Variants in SCARA5 observed in about 807,000 individuals in gnomAD.
The protein encoded by SCARA5 is scavenger receptor class A member 5.
Under a neutral mutation model 46.3 loss-of-function variants are expected in SCARA5, and 45 were observed. The observed-to-expected ratio is 0.97, with a 90% CI of 0.76 to 1.24. The LOEUF (loss-of-function observed/expected upper bound fraction) is 1.24. SCARA5 is among the 50% of genes most tolerant of loss of function. The pLI is 0.00. For synonymous variants in SCARA5, 333 were observed against 306.5 expected (o/e 1.09, Z -0.90); for missense variants, 680 against 689.0 (o/e 0.99, Z 0.15).
chr8:27,952,014 G>T (rs1217543072), intron 3 of SCARA5, among the ~76,000 whole-genome samples: 1 of 147,068 alleles, frequency 6.8e-6, no homozygotes, highest in Non-Finnish European at 1.5e-5. Flanking sequence ...TAAACTCTTG[G>T]TAGGTGTAAT....
At chr8:27,917,045 C>A (rs556419880) in intron 4 of SCARA5, among the ~76,000 whole-genome samples, 16 of 152,314 alleles carry the variant, frequency 1.1e-4, no homozygotes, top group Non-Finnish European at 2.2e-4. Context: ...AACCAGAAAG[C>A]TGGTCCCGAA....
chr8:27,887,362 C>T (rs1360515285), intron 7 of SCARA5, among the ~76,000 whole-genome samples: 2 of 152,246 alleles, frequency 1.3e-5, no homozygotes, highest in East Asian at 3.9e-4. Context: ...CACTTTTCCT[C>T]TTGTTCTGGA....
intron 4 of SCARA5, among the ~76,000 whole-genome samples, chr8:27,913,548 T>G (rs1382013930): frequency 6.6e-6 from 1 of 152,252 alleles, no homozygotes; most frequent in Non-Finnish European, 1.5e-5. Flanking sequence ...GCATCTGTGA[T>G]TCGAGGCTTC....
intron 2 of SCARA5, among the ~76,000 whole-genome samples, chr8:27,984,151 C>T (rs373543062): frequency 2.4e-4 from 37 of 152,232 alleles, no homozygotes; most frequent in East Asian, 1.2e-3. Context: ...CATTTCACTC[C>T]GCAGAGATAA....
At chr8:27,964,944 T>C (rs1808345842) in intron 3 of SCARA5, among the ~76,000 whole-genome samples, 2 of 152,198 alleles carry the variant, frequency 1.3e-5, no homozygotes, top group Admixed American at 1.3e-4. Flanking sequence ...GTTATGGTCC[T>C]CGCAGCCAAA....
At chr8:27,878,354 T>A (rs1806757506) in intron 8 of SCARA5, among the ~76,000 whole-genome samples, 1 of 152,122 alleles carries the variant, frequency 6.6e-6, no homozygotes, top group South Asian at 2.1e-4. Context: ...AAGGGAAAGC[T>A]CACTACTGAA....
chr8:27,933,485 GCA>G (rs1460125269), intron 3 of SCARA5, among the ~76,000 whole-genome samples: 24 of 138,894 alleles, frequency 1.7e-4, no homozygotes, highest in African/African-American at 6.5e-4. Flanking sequence ...TCATGCCACT[GCA>G]CAGCAGCCTG....
intron 2 of SCARA5, among the ~76,000 whole-genome samples, chr8:27,977,692 G>A (rs918913877): frequency 2.6e-5 from 4 of 152,246 alleles, no homozygotes; most frequent in East Asian, 3.9e-4. Flanking sequence ...TGCACCTCCC[G>A]GTTAAGAGCC....
At position 27,909,698 on chromosome 8, in the gene SCARA5, C is replaced by T. The variant is rs1271459010; in HGVS notation, c.962G>A (p.Gly321Asp). 1.8e-5 allele frequency: 28 copies of T among 1,551,336 alleles called. No homozygotes were observed. Among genetic ancestry groups the T allele is most frequent in the East Asian group, 4.9e-5 (2 of 40,886 alleles). ...KGDQGDEGKE[G>D]RPGIPGLPGL... is the part of the protein sequence containing the mutation. ...AGGCAATCCAGGGATGCCAGGCCTGCCTTCCTTTCCTTCATCCCCCTGATC... is the reference window on the plus strand; with the variant it reads ...AGGCAATCCAGGGATGCCAGGCCTGTCTTCCTTTCCTTCATCCCCCTGATC... Residue 321 changes from glycine (G) to aspartate (D), a missense_variant, in exon 5 of 9, where the codon GGC becomes GAC. Gly to Asp is a moderately conservative substitution (Grantham distance 94). Coordinates refer to ENST00000354914, the MANE Select transcript of SCARA5 (RefSeq NM_173833.6).
chr8:27,894,185 T>C (rs963532249), intron 7 of SCARA5, among the ~76,000 whole-genome samples: 3 of 152,246 alleles, frequency 2.0e-5, no homozygotes, highest in African/African-American at 7.2e-5. Context: ...CATGAGTTAG[T>C]TATTACAGCT....
At chr8:27,930,953 C>T (rs925535943) in intron 3 of SCARA5, among the ~76,000 whole-genome samples, 23 of 152,112 alleles carry the variant, frequency 1.5e-4, no homozygotes, top group African/African-American at 4.1e-4. Flanking sequence ...TGGGACGGAA[C>T]GCCACTGCAC....
At chr8:27,951,891 T>G (rs372455245) in intron 3 of SCARA5, among the ~76,000 whole-genome samples, 1 of 152,104 alleles carries the variant, frequency 6.6e-6, no homozygotes, top group Non-Finnish European at 1.5e-5. Flanking sequence ...ACATGTGAGC[T>G]CCAGGTGACA....
At position 27,976,965 on chromosome 8, in the gene SCARA5, A is replaced by G. The variant is rs548028148; in HGVS notation, c.113-10423T>C. The stretch of plus-strand genomic sequence containing the variant: ...CTGGCTTAGCCAGCCCCCCTGCCTT[A>G]GTCCAGGCTGCCACAGCAAAGTACC... On this transcript the variant is annotated intron_variant, in intron 2 of 8. Transcript: ENST00000354914. 5.9e-5 allele frequency among the ~76,000 whole-genome samples: 9 copies of G among 152,318 alleles called. No individual in the cohort carries two copies. The South Asian group carries it at 1.7e-3, about 28-fold the overall frequency.
intron 3 of SCARA5, among the ~76,000 whole-genome samples, chr8:27,947,699 T>G: frequency 7.1e-6 from 1 of 140,410 alleles, no homozygotes; most frequent in Non-Finnish European, 1.5e-5. Flanking sequence ...GGCGAAACCG[T>G]GTCTCTACTA....
At chr8:27,876,091 C>T (rs1266677903) in intron 8 of SCARA5, among the ~76,000 whole-genome samples, 1 of 152,186 alleles carries the variant, frequency 6.6e-6, no homozygotes, top group Non-Finnish European at 1.5e-5. Flanking sequence ...GGAGTGACTC[C>T]TGGAGGATTA....
chr8:27,964,199 T>G (rs952439868), intron 3 of SCARA5, among the ~76,000 whole-genome samples: 2 of 152,138 alleles, frequency 1.3e-5, no homozygotes, highest in African/African-American at 4.8e-5. Flanking sequence ...GCCAAGTCCC[T>G]TTCCTATGCT....
At chr8:27,889,167 G>C (rs1015016258) in intron 7 of SCARA5, among the ~76,000 whole-genome samples, 1 of 152,192 alleles carries the variant, frequency 6.6e-6, no homozygotes, top group Admixed American at 6.5e-5. Flanking sequence ...GTACAGCTGA[G>C]GCACAGATGA....
At chr8:27,975,372 T>C (rs1377217938) in intron 2 of SCARA5, among the ~76,000 whole-genome samples, 1 of 152,184 alleles carries the variant, frequency 6.6e-6, no homozygotes, top group Non-Finnish European at 1.5e-5. Context: ...AGTAAAGTGT[T>C]TCCCTGAGTT....
chr8:27,948,493 G>A (rs919005132), intron 3 of SCARA5, among the ~76,000 whole-genome samples: 9 of 151,970 alleles, frequency 5.9e-5, no homozygotes, highest in African/African-American at 2.2e-4. Flanking sequence ...GCCTGGGGCT[G>A]GGCCGTTCCA....
Sources: gnomAD v4.1 joint callset for allele counts (sites outside exome capture counted in the v4.1 genomes callset) on GRCh38, gnomAD v4.1.1 for gene constraint, MANE v1.5 for transcripts, NCBI Gene and HGNC (gene_info 2026-07-23, HGNC 2026-07-21) for gene names.